Variants in TINAG observed in about 807,000 individuals in gnomAD.
TINAG encodes tubulointerstitial nephritis antigen.
In TINAG, 83 loss-of-function variants were observed where a neutral mutation model predicts 72.7. That is an observed-to-expected ratio of 1.14 (90% CI 0.96 to 1.37). TINAG has a LOEUF of 1.37. TINAG is among the 40% of genes most tolerant of loss of function. The pLI is 0.00. For missense variants in TINAG, 685 were observed against 576.6 expected (o/e 1.19, Z -1.93); for synonymous variants, 234 against 189.9 (o/e 1.23, Z -1.91).
intron 5 of TINAG, among the ~76,000 whole-genome samples, chr6:54,345,549 A>G (rs956768237): frequency 7.9e-5 from 12 of 152,250 alleles, no homozygotes; most frequent in African/African-American, 2.9e-4. Flanking sequence ...TCTGAATGAA[A>G]ACACAGTTAC....
At chr6:54,337,499 C>A (rs1784894793) in intron 4 of TINAG, among the ~76,000 whole-genome samples, 1 of 151,992 alleles carries the variant, frequency 6.6e-6, no homozygotes, top group African/African-American at 2.4e-5. Context: ...GGTGATCCGC[C>A]CGCTTCGGCC....
chr6:54,327,189 T>C, intron 4 of TINAG: 2 of 1,541,598 alleles, frequency 1.3e-6, no homozygotes, highest in South Asian at 2.4e-5. Flanking sequence ...CAGCTCTGGT[T>C]GGCAGCTCCC....
chr6:54,347,275 G>C, intron 5 of TINAG, 92 bp from the exon 6 acceptor site: 1 of 1,256,224 alleles, frequency 8.0e-7, no homozygotes, highest in Non-Finnish European at 1.1e-6. Context: ...CAGTTTTAAA[G>C]ACTACGTTAG....
intron 1 of TINAG, among the ~76,000 whole-genome samples, chr6:54,310,607 C>G (rs1784222310): frequency 7.0e-6 from 1 of 143,134 alleles, no homozygotes; most frequent in African/African-American, 2.7e-5. Context: ...TTCTTTCTCT[C>G]TCTCTGTCTC....
At chr6:54,320,760 T>A (rs746531505) in intron 2 of TINAG, 118 bp downstream of exon 2, 1 of 676,398 alleles carries the variant, frequency 1.5e-6, no homozygotes, top group Non-Finnish European at 2.4e-6. Flanking sequence ...GAATCATACA[T>A]CATAAGACAT....
intron 4 of TINAG, among the ~76,000 whole-genome samples, chr6:54,341,566 T>C (rs953248254): frequency 5.9e-5 from 9 of 151,968 alleles, no homozygotes; most frequent in Admixed American, 5.9e-4. Context: ...AACTCCCCTA[T>C]TAAAATACAA....
intron 8 of TINAG, among the ~76,000 whole-genome samples, chr6:54,353,091 T>A (rs573652839): frequency 2.6e-5 from 4 of 151,954 alleles, no homozygotes; most frequent in African/African-American, 9.6e-5. Context: ...TATAGTTATA[T>A]ATTCGTGAAT....
At chr6:54,381,789 G>A (rs1582763258) in intron 10 of TINAG, among the ~76,000 whole-genome samples, 2 of 152,146 alleles carry the variant, frequency 1.3e-5, no homozygotes, top group Admixed American at 1.3e-4. Context: ...AATTTGAACA[G>A]TTTTTTAATC....
intron 6 of TINAG, among the ~76,000 whole-genome samples, chr6:54,348,066 A>G (rs917860587): frequency 1.3e-5 from 2 of 152,078 alleles, no homozygotes; most frequent in Admixed American, 6.6e-5. Flanking sequence ...TGTGTCTTCT[A>G]TAAGAGCTGA....
chr6:54,368,211 T>C (rs1763493232), intron 9 of TINAG, among the ~76,000 whole-genome samples: 2 of 148,402 alleles, frequency 1.3e-5, no homozygotes, highest in African/African-American at 4.9e-5. Flanking sequence ...TTATATATTA[T>C]ACTAAATATT....
chr6:54,365,250 C>T (rs192518078), intron 9 of TINAG: 25 of 151,622 alleles, frequency 1.6e-4, no homozygotes, highest in Admixed American at 1.3e-3. Flanking sequence ...GAATGTCTTT[C>T]GATTGCAAAA....
chr6:54,347,331 T>A (rs1173477490), intron 5 of TINAG, 36 bp from the exon 6 acceptor site: 1 of 1,606,608 alleles, frequency 6.2e-7, no homozygotes, highest in South Asian at 1.1e-5. Flanking sequence ...ATACCGTGTA[T>A]CATTTCAATA....
chr6:54,343,190 G>C (rs768480062), intron 4 of TINAG, 36 bp from the exon 5 acceptor site: 1 of 1,441,910 alleles, frequency 6.9e-7, no homozygotes, highest in South Asian at 1.7e-5. Flanking sequence ...ACATATTTGA[G>C]AAAATCTCAT....
At chr6:54,379,405 A>G (rs1481387030) in intron 9 of TINAG, among the ~76,000 whole-genome samples, 1 of 152,148 alleles carries the variant, frequency 6.6e-6, no homozygotes, top group African/African-American at 2.4e-5. Flanking sequence ...GAAAAATGAA[A>G]TCGTGTACGT....
chr6:54,341,200 A>G (rs1176799981), intron 4 of TINAG, among the ~76,000 whole-genome samples: 1 of 152,200 alleles, frequency 6.6e-6, no homozygotes, highest in African/African-American at 2.4e-5. Flanking sequence ...CTAAAGGCAC[A>G]CTGACAAACC....
At chr6:54,327,066 G>C in intron 4 of TINAG, 150 bp downstream of exon 4, 4 of 1,543,240 alleles carry the variant, frequency 2.6e-6, no homozygotes, top group Non-Finnish European at 3.5e-6. Flanking sequence ...TTCCCTAAAT[G>C]GTTGTTAAAC....
rs866153392 is a variant in TINAG at position 54,379,685 on chromosome 6, T to A, written c.1251-841T>A. 2.3e-4 allele frequency among the ~76,000 whole-genome samples: 35 copies of A among 152,288 alleles called. No homozygotes were observed. In the Middle Eastern group the frequency reaches 0.014, roughly 59 times the overall value. Reference sequence around the variant, plus strand: ...TTTGTTTGGTAGAGTTTCAAGGGGCTAGACATAAAGAGGATAAGTATTTTA... The same window carrying A: ...TTTGTTTGGTAGAGTTTCAAGGGGCAAGACATAAAGAGGATAAGTATTTTA... On this transcript the variant is annotated intron_variant, in intron 9 of 10. Coordinates refer to ENST00000259782, the MANE Select transcript of TINAG (RefSeq NM_014464.4).
intron 6 of TINAG, among the ~76,000 whole-genome samples, chr6:54,349,224 A>G (rs1182641776): frequency 1.3e-5 from 2 of 152,038 alleles, no homozygotes; most frequent in East Asian, 3.9e-4. Flanking sequence ...GAACATATCT[A>G]TAACTTAATA....
chr6:54,313,946 C>T (rs1250690139), intron 1 of TINAG, among the ~76,000 whole-genome samples: 1 of 151,774 alleles, frequency 6.6e-6, no homozygotes, highest in Non-Finnish European at 1.5e-5. Flanking sequence ...TTTTATATAT[C>T]CATGATTGTG....
Sources: gnomAD v4.1 joint callset for allele counts (sites outside exome capture counted in the v4.1 genomes callset) on GRCh38, gnomAD v4.1.1 for gene constraint, MANE v1.5 for transcripts, NCBI Gene and HGNC (gene_info 2026-07-23, HGNC 2026-07-21) for gene names.